RPIA: variants seen among roughly 807,000 people sequenced by gnomAD.
RPIA encodes ribose 5-phosphate isomerase A, also known as ribose-5-phosphate isomerase.
Under a neutral mutation model 37.8 loss-of-function variants are expected in RPIA, and 29 were observed. The ratio of observed to expected loss-of-function variants is 0.77; its 90% CI spans 0.57 to 1.05. The LOEUF is 1.05. Among genes scored for constraint, RPIA ranks in the 50% least tolerant of loss-of-function variants. RPIA has a pLI of 0.00. For missense variants in RPIA, 385 were observed against 413.6 expected (o/e 0.93, Z 0.60); for synonymous variants, 167 against 157.0 (o/e 1.06, Z -0.48).
In RPIA at chr2:88,736,447, T is replaced by C. The variant is rs1573476849; in HGVS notation, c.597-88T>C. On this transcript the variant is annotated intron_variant, in intron 6 of 8. Transcript: ENST00000283646. ...GATCACTTTCCTTGCCTTCCCACCA[T>C]CTCATTAACCCTGTTCCTGAATTTG... 4.2e-6 allele frequency: 6 copies of C among 1,434,008 alleles called. No homozygotes were observed. The East Asian group carries it at 1.4e-4, about 33-fold the overall frequency. The allele number at this position is 1,434,008 out of a possible 1,614,324, so 88.8% of individuals were successfully genotyped here. A position where few individuals can be genotyped will look rare whatever the true frequency, so the allele number is the denominator to read the frequency against.
intron 8 of RPIA, among the ~76,000 whole-genome samples, chr2:88,747,770 G>T (rs1673456530): frequency 6.6e-6 from 1 of 152,194 alleles, no homozygotes; most frequent in South Asian, 2.1e-4. Context: ...TGTATGTTCA[G>T]AGGCAGACTT....
intron 8 of RPIA, among the ~76,000 whole-genome samples, chr2:88,746,499 T>A (rs920150778): frequency 1.3e-5 from 2 of 152,228 alleles, no homozygotes; most frequent in African/African-American, 4.8e-5. Context: ...ATGAGGATTC[T>A]TGAGAGCTGG....
In RPIA at chr2:88,716,707, T is replaced by C. The variant is rs1673040944; in HGVS notation, c.403-12571T>C. ...TTTTTCCCACTCAAACGTAAACTTA[T>C]TTTTGTGTTAAGTTTAGCCAGATAC... On this transcript the variant is annotated intron_variant, in intron 3 of 8. Coordinates refer to ENST00000283646, the MANE Select transcript of RPIA (RefSeq NM_144563.3). Among the ~76,000 whole-genome samples, 7 of 152,320 alleles carry C rather than the reference T, an allele frequency of 4.6e-5. No homozygotes were observed. In the South Asian group the frequency reaches 1.5e-3, roughly 32 times the overall value.
intron 1 of RPIA, among the ~76,000 whole-genome samples, chr2:88,698,139 A>C (rs1672781186): frequency 7.1e-6 from 1 of 141,090 alleles, no homozygotes; most frequent in Non-Finnish European, 1.5e-5. Flanking sequence ...AGGAATCTTT[A>C]AGTGTTTATA....
At position 88,750,922 on chromosome 2, in the gene RPIA, T is replaced by C; in HGVS notation, c.*844T>C. ...GTTTGCAGGTTTAAATAAAACAGTG[T>C]GGTGCCATTTTGACTCTTTTGTCTT... On this transcript the variant is annotated 3_prime_UTR_variant, in exon 9 of 9. Transcript: ENST00000283646. 2.5e-6 allele frequency: 1 copy of C among 392,782 alleles called. No homozygotes were observed. The highest frequency in any genetic ancestry group is 4.5e-6 in the Non-Finnish European group (1 of 223,026). The allele number at this position is 392,782 out of a possible 1,614,324, so 24.3% of individuals were successfully genotyped here. A position where few individuals can be genotyped will look rare whatever the true frequency, so the allele number is the denominator to read the frequency against.
chr2:88,706,545 G>T (rs1187217192), intron 3 of RPIA, among the ~76,000 whole-genome samples: 2 of 145,254 alleles, frequency 1.4e-5, no homozygotes, highest in Non-Finnish European at 3.0e-5. Flanking sequence ...ACATACTGGG[G>T]CCTGTCTGGG....
chr2:88,717,244 AGGT>A (rs1485200561), intron 3 of RPIA, among the ~76,000 whole-genome samples: 5 of 152,234 alleles, frequency 3.3e-5, no homozygotes, highest in African/African-American at 1.2e-4. Flanking sequence ...GATAGGTCCC[AGGT>A]AATTTAGAAA....
Position 88,700,041 on chromosome 2 carries a change from G to C in RPIA, c.379G>C (p.Val127Leu), listed in dbSNP as rs750237002. ...ERVKQENLNL[V>L]CIPTSFQARQ... ...GGTGAAGCAAGAGAATCTGAACCTC[G>C]TCTGTATTCCCACTTCCTTCCAGGT... is the stretch of plus-strand genomic sequence containing the variant. The change falls in exon 3 of 9, where the codon GTC (valine) becomes CTC (leucine). Residue 127 changes from valine to leucine, a missense_variant. By Grantham distance (32) the Val-to-Leu change is conservative. Transcript: ENST00000283646. 1.9e-6 allele frequency: 3 copies of C among 1,614,092 alleles called. No homozygotes were observed. The highest frequency in any genetic ancestry group is 2.2e-5 in the South Asian group (2 of 91,096).
chr2:88,724,693 C>T (rs1465451316), intron 3 of RPIA, among the ~76,000 whole-genome samples: 1 of 152,088 alleles, frequency 6.6e-6, no homozygotes, highest in African/African-American at 2.4e-5. Context: ...ACAAGTAAAC[C>T]TGTAGGGATT....
chr2:88,711,734 A>G (rs186166825), intron 3 of RPIA, among the ~76,000 whole-genome samples: 2 of 152,354 alleles, frequency 1.3e-5, no homozygotes. Context: ...AAAGAAATAC[A>G]TTTTAGGGTA....
At chr2:88,727,147 T>C (rs910251593) in intron 3 of RPIA, among the ~76,000 whole-genome samples, 2 of 152,136 alleles carry the variant, frequency 1.3e-5, no homozygotes, top group African/African-American at 4.8e-5. Context: ...GAGAGGAGCA[T>C]GCCAGTCTGC....
At chr2:88,692,795 TA>T (rs1238920451) in intron 1 of RPIA, among the ~76,000 whole-genome samples, 14 of 152,234 alleles carry the variant, frequency 9.2e-5, no homozygotes, top group Non-Finnish European at 1.8e-4. Flanking sequence ...AAAGTGGTAT[TA>T]GAGTCTCTTT....
At chr2:88,734,703 C>G (rs966059201) in intron 5 of RPIA, 87 bp downstream of exon 5, 1 of 1,360,856 alleles carries the variant, frequency 7.3e-7, no homozygotes, top group Non-Finnish European at 1.1e-6. Context: ...AACAAATTGC[C>G]ACTGTGACAT....
Position 88,750,006 on chromosome 2 carries a change from C to T in RPIA, c.864C>T (p.Ile288=), listed in dbSNP as rs755019666. The T allele has an allele frequency of 5.3e-5, 86 of 1,613,186 alleles. No homozygotes were observed. In the East Asian group the frequency reaches 1.9e-3, roughly 36 times the overall value. ...IPGVVDTGLF[I]NMAERVYFGM... ...GTGTGGTGGACACAGGCCTATTCAT[C>T]AACATGGCTGAGAGAGTCTACTTTG... Residue 288 remains isoleucine, a synonymous_variant, in exon 9 of 9, where the codon ATC becomes ATT. Transcript: ENST00000283646.
At chr2:88,742,837 C>G (rs1365737190) in intron 8 of RPIA, among the ~76,000 whole-genome samples, 1 of 152,056 alleles carries the variant, frequency 6.6e-6, no homozygotes, top group Non-Finnish European at 1.5e-5. Flanking sequence ...TGATTTGATT[C>G]TCTACATGGT....
chr2:88,734,743 G>C, intron 5 of RPIA, 127 bp downstream of exon 5: 1 of 988,332 alleles, frequency 1.0e-6, no homozygotes, highest in Non-Finnish European at 1.6e-6. Flanking sequence ...CTAGGATATT[G>C]ATAGCATATG....
chr2:88,743,194 T>A (rs1378857930), intron 8 of RPIA, among the ~76,000 whole-genome samples: 1 of 152,208 alleles, frequency 6.6e-6, no homozygotes, highest in Non-Finnish European at 1.5e-5. Context: ...TGGCTTTTAT[T>A]ACCTTTAGGT....
At chr2:88,724,730 TA>T in intron 3 of RPIA, among the ~76,000 whole-genome samples, 1 of 152,188 alleles carries the variant, frequency 6.6e-6, no homozygotes, top group Non-Finnish European at 1.5e-5. Context: ...ATTTGCTCTT[TA>T]AAATTAAAGG....
intron 8 of RPIA, among the ~76,000 whole-genome samples, chr2:88,746,937 G>T (rs879905628): frequency 6.6e-6 from 1 of 152,190 alleles, no homozygotes; most frequent in Non-Finnish European, 1.5e-5. Context: ...AGTAGTATAG[G>T]GGGGATACAA....
Sources: gnomAD v4.1 joint callset for allele counts (sites outside exome capture counted in the v4.1 genomes callset) on GRCh38, gnomAD v4.1.1 for gene constraint, MANE v1.5 for transcripts, NCBI Gene and HGNC (gene_info 2026-07-23, HGNC 2026-07-21) for gene names.